The following ALDH4A1 variants were observed in gnomAD, a reference collection of about 807,000 sequenced individuals.
ALDH4A1 encodes the protein delta-1-pyrroline-5-carboxylate dehydrogenase, mitochondrial.
In ALDH4A1, 46 loss-of-function variants were observed where a neutral mutation model predicts 70.5. The observed-to-expected ratio is 0.65, with a 90% confidence interval of 0.51 to 0.83. The LOEUF is 0.83. Ranked by LOEUF, ALDH4A1 falls within the 40% of genes least tolerant of loss-of-function variation. ALDH4A1 has a pLI of 0.00. For synonymous variants in ALDH4A1, 323 were observed against 324.3 expected (o/e 1.00, Z 0.04); for missense variants, 749 against 766.5 (o/e 0.98, Z 0.27).
In ALDH4A1 at chr1:18,877,433, G is replaced by A. The variant is rs755188126; in HGVS notation, c.1120C>T (p.Arg374Trp). 1.2e-5 allele frequency: 19 copies of A among 1,581,070 alleles called. No homozygotes were observed. The highest frequency in any genetic ancestry group is 1.5e-5 in the Non-Finnish European group (18 of 1,163,254). The change falls in exon 10 of 15, where the codon CGG becomes TGG. Residue 374 changes from arginine (R) to tryptophan (W), a missense_variant. Physicochemically the swap from Arg to Trp is moderately radical, Grantham distance 101 (BLOSUM62 -3). Transcript: ENST00000375341. Reference protein sequence around the residue: ...IKGRLLEEHSRIKVGDPAEDF... With the variant: ...IKGRLLEEHSWIKVGDPAEDF... ...CCACTCACGTCGCCCACTTTGATCCGACTGTGCTCCTCCAGCAGCCGCCCT... is the reference window on the plus strand; with the variant it reads ...CCACTCACGTCGCCCACTTTGATCCAACTGTGCTCCTCCAGCAGCCGCCCT...
In ALDH4A1 at chr1:18,877,232, G is replaced by T; in HGVS notation, c.1161C>A (p.Phe387Leu). The T allele has an allele frequency of 1.2e-6, 2 of 1,608,426 alleles. No individual in the cohort carries two copies. The highest frequency in any genetic ancestry group is 1.7e-6 in the Non-Finnish European group (2 of 1,177,312). ...CCTTGGCATCAATCACTGCAGAGAAGAAGGTCCCAAAATCCTCTGCAGGCT... is the reference window on the plus strand; with the variant it reads ...CCTTGGCATCAATCACTGCAGAGAATAAGGTCCCAAAATCCTCTGCAGGCT... Reference protein sequence around the residue: ...VGDPAEDFGTFFSAVIDAKSF... With the variant: ...VGDPAEDFGTLFSAVIDAKSF... Residue 387 changes from phenylalanine to leucine, a missense_variant, in exon 11 of 15, where the codon TTC becomes TTA. By Grantham distance (22) the Phe-to-Leu change is conservative. Coordinates refer to ENST00000375341, the MANE Select transcript of ALDH4A1 (RefSeq NM_003748.4).
At chr1:18,877,942 G>A (rs1011056629) in intron 9 of ALDH4A1, among the ~76,000 whole-genome samples, 13 of 152,138 alleles carry the variant, frequency 8.5e-5, no homozygotes, top group South Asian at 2.1e-4. Flanking sequence ...CAAGGCCCCC[G>A]AGAGCCAGCC....
rs1403955663 is a variant in ALDH4A1 at position 18,898,971 on chromosome 1, T to A, written c.62+3491A>T. On this transcript the variant is annotated intron_variant, in intron 1 of 14. Coordinates refer to ENST00000375341, the MANE Select transcript of ALDH4A1 (RefSeq NM_003748.4). The surrounding 1 kb of genome is among the most constrained non-coding windows in gnomAD (Gnocchi z 4.3). ...GTACCAGCATCCAGGAAACCACTGA[T>A]CACATCACCGCTAATCCTTGCAGCC... Among the ~76,000 whole-genome samples, 1 of 152,234 alleles carries A rather than the reference T, an allele frequency of 6.6e-6. No individual in the cohort carries two copies. The highest frequency in any genetic ancestry group is 1.5e-5 in the Non-Finnish European group (1 of 68,040).
At chr1:18,873,549 T>C (rs1215765541) in intron 14 of ALDH4A1, among the ~76,000 whole-genome samples, 31 of 152,050 alleles carry the variant, frequency 2.0e-4, no homozygotes, top group Admixed American at 2.0e-3. Context: ...TGGCCAATGA[T>C]TGAATCAATC....
chr1:18,893,167 G>C (rs1195924359), intron 1 of ALDH4A1, among the ~76,000 whole-genome samples: 1 of 152,228 alleles, frequency 6.6e-6, no homozygotes, highest in Admixed American at 6.5e-5. Context: ...GAAAAGCACA[G>C]GCCCCAGAAG....
chr1:18,879,348 C>T lies in ALDH4A1; in HGVS notation c.892G>A (p.Val298Met), dbSNP rs1207467059. The change falls in exon 9 of 15, where the codon GTG (valine) becomes ATG (methionine). Residue 298 changes from valine (V) to methionine (M), a missense_variant. Physicochemically the swap from Val to Met is conservative, Grantham distance 21. Coordinates refer to ENST00000375341, the MANE Select transcript of ALDH4A1 (RefSeq NM_003748.4). ...VPTFKHLWKQ[V>M]AQNLDRFHTF... is the part of the protein sequence containing the mutation. The stretch of plus-strand genomic sequence containing the variant: ...TGGAACCGGTCCAGGTTCTGGGCCA[C>T]CTGCTTCCACAGGTGTTTGAAGGTG... 2 of 1,611,474 alleles carry T rather than the reference C, an allele frequency of 1.2e-6. No homozygotes were observed. The highest frequency in any genetic ancestry group is 2.2e-5 in the South Asian group (2 of 90,198).
chr1:18,893,660 AC>A (rs1557626387), intron 1 of ALDH4A1, among the ~76,000 whole-genome samples: 1 of 151,840 alleles, frequency 6.6e-6, no homozygotes, highest in African/African-American at 2.4e-5. Flanking sequence ...CCGCCACCAC[AC>A]CCAGCTCATT....
intron 14 of ALDH4A1, 64 bp from the exon 15 acceptor site, chr1:18,873,021 G>A: frequency 1.4e-6 from 2 of 1,396,584 alleles, no homozygotes; most frequent in Non-Finnish European, 1.0e-6. Flanking sequence ...AAGGGGAAGG[G>A]AGGAGATGAT....
rs1300260931 is a variant in ALDH4A1 at position 18,889,329 on chromosome 1, AG to A, written c.249+32del. 21 of 1,527,496 alleles carry A rather than the reference AG, an allele frequency of 1.4e-5. No homozygotes were observed. The East Asian group carries it at 5.2e-4, about 37-fold the overall frequency. 94.6% of individuals were successfully genotyped at this position (1,527,496 alleles called of 1,614,324 possible). The stretch of plus-strand genomic sequence containing the variant: ...GAGAAAGAGGTCACATATTCAGGGG[AG>A]GGGCTGAGCTCTGCCCACCCGCTGG... On this transcript the variant is annotated intron_variant, in intron 3 of 14. Coordinates refer to ENST00000375341, the MANE Select transcript of ALDH4A1 (RefSeq NM_003748.4).
intron 3 of ALDH4A1, 45 bp from the exon 4 acceptor site, chr1:18,886,556 C>T: frequency 6.2e-7 from 1 of 1,602,898 alleles, no homozygotes; most frequent in Non-Finnish European, 8.5e-7. Flanking sequence ...AGGGAGGTGC[C>T]AGGATAAGGA....
intron 5 of ALDH4A1, chr1:18,885,177 G>A (rs1470918397): frequency 1.1e-5 from 5 of 468,302 alleles, no homozygotes; most frequent in African/African-American, 2.0e-5. Context: ...CAGGGAGACA[G>A]TGCAGGCCAC....
intron 3 of ALDH4A1, among the ~76,000 whole-genome samples, chr1:18,886,996 G>A (rs773084359): frequency 5.3e-5 from 8 of 152,138 alleles, no homozygotes; most frequent in Non-Finnish European, 1.2e-4. Context: ...TGCGACTATG[G>A]GCAACAAAAC....
chr1:18,901,372 G>C (rs987835632), intron 1 of ALDH4A1, among the ~76,000 whole-genome samples: 4 of 152,180 alleles, frequency 2.6e-5, no homozygotes, highest in African/African-American at 9.7e-5. Context: ...ACTCAGAAAG[G>C]GCACAGCTCA....
intron 1 of ALDH4A1, among the ~76,000 whole-genome samples, chr1:18,892,484 TGAG>T (rs1266106429): frequency 6.7e-6 from 1 of 149,042 alleles, no homozygotes; most frequent in African/African-American, 2.5e-5. Context: ...AAGGCCTCTC[TGAG>T]GAGGTGACCC....
Position 18,880,006 on chromosome 1 carries a change from C to T in ALDH4A1, c.867-633G>A, listed in dbSNP as rs1934901887. ...ACAGTAGCTAATACTAATTTATGGC[C>T]TTCCCACCTTTAAGCCCGCTGCTCA... On this transcript the variant is annotated intron_variant, in intron 8 of 14. Coordinates refer to ENST00000375341, the MANE Select transcript of ALDH4A1 (RefSeq NM_003748.4). The surrounding 1 kb of genome is among the most constrained non-coding windows in gnomAD (Gnocchi z 5.1). Among the ~76,000 whole-genome samples the T allele has an allele frequency of 1.4e-5, 2 of 146,092 alleles. No individual in the cohort carries two copies. The highest frequency in any genetic ancestry group is 5.2e-5 in the African/African-American group (2 of 38,424).
chr1:18,880,066 G>A lies in ALDH4A1; in HGVS notation c.867-693C>T, dbSNP rs904650953. Among the ~76,000 whole-genome samples, 10 of 152,166 alleles carry A rather than the reference G, an allele frequency of 6.6e-5. No homozygotes were observed. The highest frequency in any genetic ancestry group is 9.7e-5 in the African/African-American group (4 of 41,448). On this transcript the variant is annotated intron_variant, in intron 8 of 14. Transcript: ENST00000375341. This position sits in a 1 kb window ranked among gnomAD's most constrained non-coding sequence, Gnocchi z 5.1. ...GGAGAATGGGGTCCAGGCCCGCTCC[G>A]CCCGCTGATAGGCGGGGAGCCCAGG...
chr1:18,896,623 T>C (rs1935625068), intron 1 of ALDH4A1, among the ~76,000 whole-genome samples: 1 of 152,148 alleles, frequency 6.6e-6, no homozygotes. Context: ...CCAGGCAAAG[T>C]GGCTCACACC....
Position 18,886,487 on chromosome 1 carries a change from C to G in ALDH4A1, c.274G>C (p.Ala92Pro). Reference protein sequence around the residue: ...VSPFNHGHKVAKFCYADKSLL... With the variant: ...VSPFNHGHKVPKFCYADKSLL... ...ACCTTGTCTGCATAACAGAACTTGG[C>G]CACCTTATGTCCATGGTTAAAAGGC... The change falls in exon 4 of 15, where the codon GCC (alanine) becomes CCC (proline). Residue 92 changes from alanine to proline, a missense_variant. Transcript: ENST00000375341. 1 of 1,614,164 alleles carries G rather than the reference C, an allele frequency of 6.2e-7. No homozygotes were observed. Among genetic ancestry groups the G allele is most frequent in the Non-Finnish European group, 8.5e-7 (1 of 1,180,020 alleles).
chr1:18,881,913 C>T (rs1322622201), intron 7 of ALDH4A1, 26 bp from the exon 8 acceptor site: 4 of 1,607,544 alleles, frequency 2.5e-6, no homozygotes, highest in Non-Finnish European at 3.4e-6. Flanking sequence ...TTCAGTGATG[C>T]ATGAGGATGG....
Sources: allele counts gnomAD v4.1 joint callset (sites outside exome capture counted in the v4.1 genomes callset), GRCh38; gene constraint gnomAD v4.1.1; non-coding constraint Gnocchi (gnomAD v3.1); transcripts MANE v1.5; gene names NCBI Gene and HGNC (gene_info 2026-07-23, HGNC 2026-07-21).